ITGA11: variants seen among roughly 807,000 people sequenced by gnomAD.
ITGA11 encodes the protein integrin subunit alpha 11, also known as integrin alpha-11.
In ITGA11, 97 loss-of-function variants were observed where a neutral mutation model predicts 141.9. That is an observed-to-expected ratio of 0.68 (90% CI 0.58 to 0.81). ITGA11 has a LOEUF of 0.81. Ranked by LOEUF, ITGA11 falls within the 30% of genes least tolerant of loss-of-function variation. The probability of loss-of-function intolerance (pLI) is 0.00; values close to 1 mark genes in which losing one functional copy is unlikely to be tolerated. For synonymous variants in ITGA11, 658 were observed against 624.6 expected (o/e 1.05, Z -0.80); for missense variants, 1,387 against 1,559.2 (o/e 0.89, Z 1.86).
chr15:68,348,025 C>T lies in ITGA11; in HGVS notation c.1131+805G>A, dbSNP rs530456785. 1.3e-3 allele frequency among the ~76,000 whole-genome samples: 205 copies of T among 152,292 alleles called. 1 individual carries two copies. The highest frequency in any genetic ancestry group is 4.8e-3 in the African/African-American group (199 of 41,568). ...ACGTATCGATACTGACAGATGCAGTCGGTACGTTTTCCCACATGACAATCC... is the reference window on the plus strand; with the variant it reads ...ACGTATCGATACTGACAGATGCAGTTGGTACGTTTTCCCACATGACAATCC... On this transcript the variant is annotated intron_variant, in intron 10 of 29. Coordinates refer to ENST00000315757, the MANE Select transcript of ITGA11 (RefSeq NM_001004439.2).
intron 2 of ITGA11, among the ~76,000 whole-genome samples, chr15:68,370,116 C>T (rs567030728): frequency 1.2e-4 from 19 of 152,284 alleles, no homozygotes; most frequent in African/African-American, 3.4e-4. Context: ...GGAGGGAGTG[C>T]GGACCTGGTG....
At chr15:68,409,850 CG>C (rs1349028216) in intron 1 of ITGA11, among the ~76,000 whole-genome samples, 1 of 152,174 alleles carries the variant, frequency 6.6e-6, no homozygotes, top group East Asian at 1.9e-4. Context: ...AGCTAGGAAG[CG>C]GCCAGGATGA....
rs1330638451 is a variant in ITGA11, at chr15:68,328,328, G to A, written c.1902-66C>T. 1 of 1,474,194 alleles carries A rather than the reference G, an allele frequency of 6.8e-7. No individual in the cohort carries two copies. 91.3% of individuals were successfully genotyped at this position (1,474,194 alleles called of 1,614,324 possible). A position where few individuals can be genotyped will look rare whatever the true frequency, so the allele number is the denominator to read the frequency against. On this transcript the variant is annotated intron_variant, in intron 15 of 29. Coordinates refer to ENST00000315757, the MANE Select transcript of ITGA11 (RefSeq NM_001004439.2). This position sits in a 1 kb window ranked among gnomAD's most constrained non-coding sequence, Gnocchi z 4.8. ...TCAGGCTGCCCTGCTGTGACCATGGGGAAAGACAAGAACCAGATGCGAGTG... is the reference window on the plus strand; with the variant it reads ...TCAGGCTGCCCTGCTGTGACCATGGAGAAAGACAAGAACCAGATGCGAGTG...
chr15:68,336,688 C>G (rs1156505941), intron 11 of ITGA11, among the ~76,000 whole-genome samples: 1 of 152,160 alleles, frequency 6.6e-6, no homozygotes, highest in African/African-American at 2.4e-5. Flanking sequence ...AATCTTGGAT[C>G]CCAGATTTTA....
chr15:68,385,036 T>C (rs1895949961), intron 2 of ITGA11, among the ~76,000 whole-genome samples: 1 of 152,186 alleles, frequency 6.6e-6, no homozygotes, highest in Non-Finnish European at 1.5e-5. Flanking sequence ...AACTCACTCA[T>C]TCAGCCTCTG....
At chr15:68,430,335 C>T (rs1432535734) in intron 1 of ITGA11, among the ~76,000 whole-genome samples, 1 of 152,184 alleles carries the variant, frequency 6.6e-6, no homozygotes, top group Non-Finnish European at 1.5e-5. Context: ...CTTAGTGCAT[C>T]CTGACAACTT....
At chr15:68,362,305 C>T (rs1317564026) in intron 4 of ITGA11, among the ~76,000 whole-genome samples, 1 of 152,256 alleles carries the variant, frequency 6.6e-6, no homozygotes, top group Non-Finnish European at 1.5e-5. Flanking sequence ...GAAAGCTCAG[C>T]TCCATGCTTC....
intron 10 of ITGA11, among the ~76,000 whole-genome samples, chr15:68,344,579 C>A (rs140570498): frequency 6.6e-6 from 1 of 151,964 alleles, no homozygotes; most frequent in African/African-American, 2.4e-5. Flanking sequence ...CAGAGGGGGA[C>A]TAGACTCGAA....
chr15:68,376,950 C>A (rs1022282773), intron 2 of ITGA11, among the ~76,000 whole-genome samples: 1 of 152,160 alleles, frequency 6.6e-6, no homozygotes, highest in African/African-American at 2.4e-5. Context: ...GGATGGGAAG[C>A]CCTGTTTGAA....
Position 68,321,045 on chromosome 15 carries a change from T to A in ITGA11, c.2408+373A>T, listed in dbSNP as rs1304862577. Among the ~76,000 whole-genome samples, 1 of 152,172 alleles carries A rather than the reference T, an allele frequency of 6.6e-6. No individual in the cohort carries two copies. The highest frequency in any genetic ancestry group is 1.5e-5 in the Non-Finnish European group (1 of 68,032). On this transcript the variant is annotated intron_variant, in intron 19 of 29. Coordinates refer to ENST00000315757, the MANE Select transcript of ITGA11 (RefSeq NM_001004439.2). This position sits in a 1 kb window ranked among gnomAD's most constrained non-coding sequence, Gnocchi z 4.9. ...AGAAGGATTGGAAAGCCCAAGGTGT[T>A]CAGCCAGCGGGCCTAGAGGTCACCT...
At chr15:68,314,657 C>T (rs1383542237) in intron 22 of ITGA11, among the ~76,000 whole-genome samples, 3 of 152,160 alleles carry the variant, frequency 2.0e-5, no homozygotes, top group Non-Finnish European at 4.4e-5. Context: ...GCTCTGCAAG[C>T]GCGCTCATTT....
At chr15:68,338,595 A>G (rs921278721) in intron 11 of ITGA11, among the ~76,000 whole-genome samples, 2 of 152,212 alleles carry the variant, frequency 1.3e-5, no homozygotes, top group Non-Finnish European at 2.9e-5. Flanking sequence ...TGAGGGTCCC[A>G]TGGTTGGGGA....
intron 7 of ITGA11, among the ~76,000 whole-genome samples, chr15:68,355,415 A>G (rs1416197815): frequency 6.6e-6 from 1 of 152,126 alleles, no homozygotes; most frequent in Admixed American, 6.6e-5. Flanking sequence ...TGAGCCTACG[A>G]ATTCACAATA....
Position 68,335,760 on chromosome 15 carries a change from G to T in ITGA11, c.1362C>A (p.Val454=), listed in dbSNP as rs375247290. Residue 454 remains valine (V), a synonymous_variant, in exon 12 of 30, where the codon GTC becomes GTA. Transcript: ENST00000315757. This position sits in a 1 kb window ranked among gnomAD's most constrained non-coding sequence, Gnocchi z 4.9. ...GGTTGTTGTGCATGGTGAACAGGATGACCTTGCCCGTGTGGTTGAACCGGG... is the reference window on the plus strand; with the variant it reads ...GGTTGTTGTGCATGGTGAACAGGATTACCTTGCCCGTGTGGTTGAACCGGG... ...GAPRFNHTGK[V]ILFTMHNNRS... 1 of 1,613,936 alleles carries T rather than the reference G, an allele frequency of 6.2e-7. No individual in the cohort carries two copies. The highest frequency in any genetic ancestry group is 8.5e-7 in the Non-Finnish European group (1 of 1,179,874).
rs1311445309 is a variant in ITGA11, at chr15:68,298,359, G to A, written c.*4700C>T. On this transcript the variant is annotated 3_prime_UTR_variant, in exon 30 of 30. Coordinates refer to ENST00000315757, the MANE Select transcript of ITGA11 (RefSeq NM_001004439.2). ...TGGCAAGATACTCTTGCATGTTGGC[G>A]CTTATTGAACACCTACTGTATTTCA... 1 of 152,128 alleles carries A rather than the reference G, an allele frequency of 6.6e-6. No individual in the cohort carries two copies. Among genetic ancestry groups the A allele is most frequent in the African/African-American group, 2.4e-5 (1 of 41,406 alleles). The allele number at this position is 152,128 out of a possible 1,614,324, so 9.4% of individuals were successfully genotyped here. A position where few individuals can be genotyped will look rare whatever the true frequency, so the allele number is the denominator to read the frequency against.
chr15:68,383,548 T>C (rs1481209172), intron 2 of ITGA11, among the ~76,000 whole-genome samples: 1 of 152,220 alleles, frequency 6.6e-6, no homozygotes, highest in Non-Finnish European at 1.5e-5. Flanking sequence ...TGGAAGCACA[T>C]GCTACCCTGA....
At chr15:68,342,416 G>T (rs1380081416) in intron 10 of ITGA11, among the ~76,000 whole-genome samples, 2 of 152,138 alleles carry the variant, frequency 1.3e-5, no homozygotes, top group Non-Finnish European at 2.9e-5. Context: ...TAGACATGAG[G>T]TCTCAGGCTT....
rs1237135881 is a variant in ITGA11 at position 68,296,908 on chromosome 15, AAAATGTTG to A, written c.*6143_*6150del. On this transcript the variant is annotated 3_prime_UTR_variant, in exon 30 of 30. Transcript: ENST00000315757. Reference sequence around the variant, plus strand: ...TCTTTCTCCTTCTCTTCTTTGGTTTAAAATGTTGATTTTCCTATAATTTGTTTGGTTTT... The same window carrying A: ...TCTTTCTCCTTCTCTTCTTTGGTTTAATTTTCCTATAATTTGTTTGGTTTT... 1 of 150,986 alleles carries A rather than the reference AAAATGTTG, an allele frequency of 6.6e-6. No individual in the cohort carries two copies. The highest frequency in any genetic ancestry group is 1.5e-5 in the Non-Finnish European group (1 of 67,854). 9.4% of individuals were successfully genotyped at this position (150,986 alleles called of 1,614,324 possible).
In ITGA11 at chr15:68,328,047, G is replaced by C. The variant is rs748502682; in HGVS notation, c.2068+49C>G. 1.9e-6 allele frequency: 3 copies of C among 1,557,324 alleles called. No homozygotes were observed. The highest frequency in any genetic ancestry group is 4.6e-5 in the East Asian group (2 of 43,854). On this transcript the variant is annotated intron_variant, in intron 16 of 29. Transcript: ENST00000315757. The surrounding 1 kb of genome is among the most constrained non-coding windows in gnomAD (Gnocchi z 4.8). ...AGGCTTTGAAATAGAGCAAGGTGCAGGGGGAGACTGGAGTCTGGGGGTGGG... is the reference window on the plus strand; with the variant it reads ...AGGCTTTGAAATAGAGCAAGGTGCACGGGGAGACTGGAGTCTGGGGGTGGG...
Sources: allele counts gnomAD v4.1 joint callset (sites outside exome capture counted in the v4.1 genomes callset), GRCh38; gene constraint gnomAD v4.1.1; non-coding constraint Gnocchi (gnomAD v3.1); transcripts MANE v1.5; gene names NCBI Gene and HGNC (gene_info 2026-07-23, HGNC 2026-07-21).